The following CHD9NB variants were observed in gnomAD, a reference collection of about 807,000 sequenced individuals.
CHD9NB encodes CHD9 neighbor protein.
At chr16:53,037,258 G>T in the CHD9NB span, among the ~76,000 whole-genome samples, 2 of 152,264 alleles carry the variant, frequency 1.3e-5, no homozygotes, top group Admixed American at 1.3e-4. Flanking sequence ...ATTATATTTT[G>T]TGCCTCAGCT....
At chr16:53,047,659 A>G in the CHD9NB span, among the ~76,000 whole-genome samples, 4 of 152,154 alleles carry the variant, frequency 2.6e-5, no homozygotes, top group African/African-American at 9.7e-5. Flanking sequence ...TAAAGTCTCT[A>G]TCTCCAAATA....
At chr16:53,037,913 G>A in the CHD9NB span, among the ~76,000 whole-genome samples, 3 of 152,156 alleles carry the variant, frequency 2.0e-5, no homozygotes, top group Non-Finnish European at 4.4e-5. Context: ...AATATATCGA[G>A]ATATATAAGG....
At chr16:53,038,679 C>G in the CHD9NB span, among the ~76,000 whole-genome samples, 6 of 152,102 alleles carry the variant, frequency 3.9e-5, no homozygotes, top group African/African-American at 1.2e-4. Context: ...CATCACACCC[C>G]CCCTGCACCC....
chr16:53,041,029 TGGAA>T, the CHD9NB span, among the ~76,000 whole-genome samples: 2 of 148,980 alleles, frequency 1.3e-5, no homozygotes, highest in Non-Finnish European at 3.0e-5. Flanking sequence ...GATGGACAGA[TGGAA>T]AGAAAGATGG....
chr16:53,042,736 C>G, the CHD9NB span: 3 of 152,242 alleles, frequency 2.0e-5, no homozygotes, highest in African/African-American at 7.2e-5. Context: ...TCACTATGCA[C>G]AGGCTATAAA....
chr16:53,041,132 G>A, the CHD9NB span, among the ~76,000 whole-genome samples: 3 of 152,352 alleles, frequency 2.0e-5, no homozygotes, highest in Non-Finnish European at 2.9e-5. Flanking sequence ...CTGGATGAAA[G>A]GAAGGAAGGA....
At chr16:53,050,398 C>T in the CHD9NB span, among the ~76,000 whole-genome samples, 1 of 152,034 alleles carries the variant, frequency 6.6e-6, no homozygotes, top group African/African-American at 2.4e-5. Flanking sequence ...GTCCCAGCTA[C>T]TTGGGAGGCT....
chr16:53,048,812 G>A, the CHD9NB span, among the ~76,000 whole-genome samples: 1 of 152,128 alleles, frequency 6.6e-6, no homozygotes, highest in African/African-American at 2.4e-5. Flanking sequence ...GGGAAGCTGG[G>A]GACATAAGCA....
the CHD9NB span, among the ~76,000 whole-genome samples, chr16:53,039,296 C>T: frequency 4.6e-5 from 7 of 152,264 alleles, no homozygotes; most frequent in South Asian, 1.2e-3. Context: ...TTGATCAGGA[C>T]GATGTCTCTC....
chr16:53,048,926 A>T, the CHD9NB span, among the ~76,000 whole-genome samples: 1 of 152,200 alleles, frequency 6.6e-6, no homozygotes, highest in Non-Finnish European at 1.5e-5. Flanking sequence ...TTGCCCATTT[A>T]AGTCAGGCTC....
chr16:53,035,888 C>T, the CHD9NB span: 1 of 151,736 alleles, frequency 6.6e-6, no homozygotes, highest in Non-Finnish European at 1.5e-5. Flanking sequence ...TGACTTGTGC[C>T]TAGGAGTTTG....
At chr16:53,043,180 G>C in the CHD9NB span, 1 of 152,268 alleles carries the variant, frequency 6.6e-6, no homozygotes, top group Admixed American at 6.5e-5. Context: ...GGAGAAAAGA[G>C]AGGCTGACAG....
chr16:53,035,940 G>C, the CHD9NB span: 1 of 150,864 alleles, frequency 6.6e-6, no homozygotes, highest in South Asian at 2.1e-4. Context: ...ACTCCAGCCT[G>C]TGTGACAGAG....
the CHD9NB span, among the ~76,000 whole-genome samples, chr16:53,049,358 G>GTT: frequency 7.3e-6 from 1 of 137,696 alleles, no homozygotes; most frequent in Non-Finnish European, 1.6e-5. Context: ...GTGTGTGTGT[G>GTT]TAAACAGGGG....
At chr16:53,052,103 G>A in the CHD9NB span, among the ~76,000 whole-genome samples, 1 of 151,280 alleles carries the variant, frequency 6.6e-6, no homozygotes, top group Non-Finnish European at 1.5e-5. Context: ...CATGAGCCAG[G>A]TATGGCAGCT....
At chr16:53,043,110 G>A in the CHD9NB span, 1 of 152,174 alleles carries the variant, frequency 6.6e-6, no homozygotes, top group African/African-American at 2.4e-5. Flanking sequence ...TTGCAAACAT[G>A]TCTATTTGAT....
the CHD9NB span, among the ~76,000 whole-genome samples, chr16:53,037,601 AC>A: frequency 3.1e-3 from 474 of 152,194 alleles, 4 homozygotes; most frequent in African/African-American, 0.011. Context: ...TCTGCAGTAA[AC>A]TCCCCCAGAG....
chr16:53,050,988 C>T, the CHD9NB span, among the ~76,000 whole-genome samples: 3 of 151,842 alleles, frequency 2.0e-5, no homozygotes, highest in African/African-American at 7.3e-5. Context: ...CTCGGGTTCA[C>T]GCCATTCTCC....
the CHD9NB span, among the ~76,000 whole-genome samples, chr16:53,041,078 G>A: frequency 6.6e-6 from 1 of 152,154 alleles, no homozygotes; most frequent in Non-Finnish European, 1.5e-5. Context: ...GTGGATGGAT[G>A]CATGGATGAT....
Sources: gnomAD v4.1 joint callset for allele counts (sites outside exome capture counted in the v4.1 genomes callset) on GRCh38, gnomAD v4.1.1 for gene constraint, MANE v1.5 for transcripts, NCBI Gene and HGNC (gene_info 2026-07-23, HGNC 2026-07-21) for gene names.